Variants in MACC1 observed in about 807,000 individuals in gnomAD.
MACC1 encodes the protein metastasis-associated in colon cancer protein 1.
MACC1 carries 79 observed loss-of-function variants against 70.7 expected under a neutral mutation model. The ratio of observed to expected loss-of-function variants is 1.12; its 90% CI spans 0.93 to 1.35. MACC1 has a LOEUF of 1.35. Ranked by LOEUF, MACC1 falls within the 40% of genes most tolerant of loss-of-function variation. MACC1 has a pLI of 0.00. For synonymous variants in MACC1, 361 were observed against 347.2 expected (o/e 1.04, Z -0.44); for missense variants, 1,106 against 978.1 (o/e 1.13, Z -1.74).
At chr7:20,148,480 A>G (rs775085630) in intron 6 of MACC1, among the ~76,000 whole-genome samples, 1 of 152,196 alleles carries the variant, frequency 6.6e-6, no homozygotes, top group Non-Finnish European at 1.5e-5. Context: ...GTTCCCTAGT[A>G]CTAAAGCTTG....
chr7:20,193,296 C>T (rs182626861), intron 1 of MACC1, among the ~76,000 whole-genome samples: 163 of 152,144 alleles, frequency 1.1e-3, no homozygotes, highest in African/African-American at 3.7e-3. Flanking sequence ...CATGATGTCA[C>T]CTTTATAAAA....
At chr7:20,196,305 A>C (rs749128201) in intron 1 of MACC1, among the ~76,000 whole-genome samples, 9 of 151,848 alleles carry the variant, frequency 5.9e-5, no homozygotes, top group South Asian at 2.1e-4. Flanking sequence ...CTCAGCCTCC[A>C]GAGTAGCTGG....
intron 1 of MACC1, among the ~76,000 whole-genome samples, chr7:20,192,228 T>C (rs1679769933): frequency 6.6e-6 from 1 of 152,182 alleles, no homozygotes; most frequent in South Asian, 2.1e-4. Context: ...AGGGTATTAT[T>C]GAGCAGGTAA....
In MACC1 at chr7:20,138,502, A is replaced by G. The variant is rs538520360; in HGVS notation, c.*2444T>C. The G allele has an allele frequency of 9.2e-5, 14 of 152,292 alleles. No homozygotes were observed. The highest frequency in any genetic ancestry group is 3.4e-4 in the African/African-American group (14 of 41,560). 9.4% of individuals were successfully genotyped at this position (152,292 alleles called of 1,614,324 possible). ...ATAAGATTCCAAGAATGTTCTAAAG[A>G]AAGCAAAATCACCACAAAAAAGGAC... On this transcript the variant is annotated 3_prime_UTR_variant, in exon 7 of 7. Coordinates refer to ENST00000400331, the MANE Select transcript of MACC1 (RefSeq NM_182762.4).
rs546955408 is a variant in MACC1, at chr7:20,183,551, T to C, written c.-217-12773A>G. On this transcript the variant is annotated intron_variant, in intron 1 of 6. Transcript: ENST00000400331. ...TTAAATCTCTAAGTTTAAATGGTAATTTGTTTTGTAGAAATGGAATCTAAT... is the reference window on the plus strand; with the variant it reads ...TTAAATCTCTAAGTTTAAATGGTAACTTGTTTTGTAGAAATGGAATCTAAT... Among the ~76,000 whole-genome samples, 321 of 152,318 alleles carry C rather than the reference T, an allele frequency of 2.1e-3. 1 individual carries two copies. Among genetic ancestry groups the C allele is most frequent in the South Asian group, 3.5e-3 (17 of 4,826 alleles).
Position 20,139,804 on chromosome 7 carries a change from G to A in MACC1, c.*1142C>T, listed in dbSNP as rs948184394. ...TTTGTCCTATATAATCAATTAGGCT[G>A]TGCTTTATAAAACACTGTGGTACAC... On this transcript the variant is annotated 3_prime_UTR_variant, in exon 7 of 7. Transcript: ENST00000400331. 5 of 148,528 alleles carry A rather than the reference G, an allele frequency of 3.4e-5. No individual in the cohort carries two copies. Among genetic ancestry groups the A allele is most frequent in the African/African-American group, 1.3e-4 (5 of 39,920 alleles). The allele number at this position is 148,528 out of a possible 1,614,324, so 9.2% of individuals were successfully genotyped here.
intron 1 of MACC1, among the ~76,000 whole-genome samples, chr7:20,210,907 A>G (rs1452417323): frequency 6.6e-6 from 1 of 152,038 alleles, no homozygotes; most frequent in Non-Finnish European, 1.5e-5. Flanking sequence ...CTCTGTCAAG[A>G]CTCCAGGGCT....
At chr7:20,163,930 T>G (rs1333680749) in intron 3 of MACC1, among the ~76,000 whole-genome samples, 1 of 152,186 alleles carries the variant, frequency 6.6e-6, no homozygotes, top group Non-Finnish European at 1.5e-5. Flanking sequence ...ATTTTTTAAA[T>G]TATCATTATT....
chr7:20,199,738 T>C (rs974954309), intron 1 of MACC1, among the ~76,000 whole-genome samples: 1 of 152,238 alleles, frequency 6.6e-6, no homozygotes, highest in African/African-American at 2.4e-5. Flanking sequence ...TACAGAGTCA[T>C]TCAAAAATGT....
intron 1 of MACC1, among the ~76,000 whole-genome samples, chr7:20,175,771 A>G (rs3114439): frequency 0.46 from 70,455 of 151,946 alleles, 17,655 homozygotes; most frequent in East Asian, 0.86. Context: ...TAGCATTTTA[A>G]CATGACTCTT....
At chr7:20,204,367 G>T (rs1441796891) in intron 1 of MACC1, among the ~76,000 whole-genome samples, 2 of 152,162 alleles carry the variant, frequency 1.3e-5, no homozygotes, top group Non-Finnish European at 2.9e-5. Flanking sequence ...TGTTAGCCAG[G>T]ATGGTCTCGA....
At chr7:20,161,250 A>G (rs1410009233) in intron 4 of MACC1, among the ~76,000 whole-genome samples, 1 of 152,136 alleles carries the variant, frequency 6.6e-6, no homozygotes, top group East Asian at 1.9e-4. Context: ...GCAAACTGTC[A>G]GAATTTCTTT....
chr7:20,174,461 T>A (rs1436210256), intron 1 of MACC1, among the ~76,000 whole-genome samples: 1 of 152,188 alleles, frequency 6.6e-6, no homozygotes, highest in East Asian at 1.9e-4. Flanking sequence ...TATAACTATA[T>A]GGGAAATTGC....
intron 1 of MACC1, among the ~76,000 whole-genome samples, chr7:20,185,856 A>G (rs3094989): frequency 0.45 from 68,831 of 152,050 alleles, 16,349 homozygotes; most frequent in East Asian, 0.86. Context: ...TACATTTTGC[A>G]GTTGGGGAGA....
chr7:20,180,207 G>A (rs1782480516), intron 1 of MACC1, among the ~76,000 whole-genome samples: 1 of 152,138 alleles, frequency 6.6e-6, no homozygotes, highest in African/African-American at 2.4e-5. Context: ...CACTTTGGGA[G>A]GCCGAGGCGG....
At chr7:20,201,547 A>G (rs578080914) in intron 1 of MACC1, among the ~76,000 whole-genome samples, 1 of 152,308 alleles carries the variant, frequency 6.6e-6, no homozygotes, top group Non-Finnish European at 1.5e-5. Context: ...ACACAGACTG[A>G]GGAACTTGAA....
At chr7:20,175,660 G>A (rs1171431229) in intron 1 of MACC1, among the ~76,000 whole-genome samples, 1 of 152,056 alleles carries the variant, frequency 6.6e-6, no homozygotes, top group Admixed American at 6.6e-5. Flanking sequence ...AAAATTTTAG[G>A]TAACATTTCA....
chr7:20,144,485 T>A (rs1254760565), intron 6 of MACC1, among the ~76,000 whole-genome samples: 1 of 152,216 alleles, frequency 6.6e-6, no homozygotes, highest in Non-Finnish European at 1.5e-5. Context: ...TTTGATAAAC[T>A]AATCAAGTTA....
At chr7:20,188,712 A>G (rs1158691219) in intron 1 of MACC1, among the ~76,000 whole-genome samples, 1 of 152,118 alleles carries the variant, frequency 6.6e-6, no homozygotes, top group Admixed American at 6.5e-5. Context: ...AAGTGCTTTT[A>G]TCAAGGTCAC....
Sources: gnomAD v4.1 joint callset for allele counts (sites outside exome capture counted in the v4.1 genomes callset) on GRCh38, gnomAD v4.1.1 for gene constraint, MANE v1.5 for transcripts, NCBI Gene and HGNC (gene_info 2026-07-23, HGNC 2026-07-21) for gene names.